The following INPP5F variants were observed in gnomAD, a reference collection of about 807,000 sequenced individuals.
INPP5F encodes phosphatidylinositide 4-phosphatase SAC2.
Under a neutral mutation model 137.2 loss-of-function variants are expected in INPP5F, and 97 were observed. The ratio of observed to expected loss-of-function variants is 0.71; its 90% confidence interval spans 0.60 to 0.84. The LOEUF (loss-of-function observed/expected upper bound fraction) is 0.84. Among genes scored for constraint, INPP5F ranks in the 40% least tolerant of loss-of-function variants. The pLI is 0.00. For missense variants in INPP5F, 1,271 were observed against 1,371.9 expected, an observed-to-expected ratio of 0.93 and a Z score of 1.16; for synonymous variants, 504 against 476.9, an observed-to-expected ratio of 1.06 and a Z score of -0.74.
intron 2 of INPP5F, among the ~76,000 whole-genome samples, chr10:119,771,957 G>A (rs1367724693): frequency 7.7e-6 from 1 of 129,450 alleles, no homozygotes; most frequent in Non-Finnish European, 1.6e-5. Flanking sequence ...GTGCAGTGGC[G>A]CGATCTCGGC....
chr10:119,758,755 C>A (rs528321961), intron 2 of INPP5F, among the ~76,000 whole-genome samples: 2 of 152,258 alleles, frequency 1.3e-5, no homozygotes, highest in Non-Finnish European at 2.9e-5. Context: ...CTGAACAATC[C>A]TAGACAAAAA....
intron 2 of INPP5F, among the ~76,000 whole-genome samples, chr10:119,765,082 A>G (rs996484283): frequency 1.3e-5 from 2 of 151,532 alleles, no homozygotes; most frequent in Non-Finnish European, 2.9e-5. Flanking sequence ...ACAGGTGCCT[A>G]CCACCACGCC....
At chr10:119,817,438 C>T (rs942731427) in intron 15 of INPP5F, among the ~76,000 whole-genome samples, 9 of 152,222 alleles carry the variant, frequency 5.9e-5, no homozygotes, top group African/African-American at 1.9e-4. Context: ...TACGTTTCCA[C>T]CAGCAATGTA....
chr10:119,809,210 G>C (rs903910760), intron 13 of INPP5F, among the ~76,000 whole-genome samples: 5 of 137,580 alleles, frequency 3.6e-5, no homozygotes, highest in African/African-American at 1.4e-4. Flanking sequence ...CTGGGCGACA[G>C]AGCGAGACTC....
intron 13 of INPP5F, 135 bp from the exon 14 acceptor site, chr10:119,809,965 T>C: frequency 1.6e-6 from 1 of 609,704 alleles, no homozygotes; most frequent in Non-Finnish European, 2.9e-6. Context: ...ACTATACTAT[T>C]TGAAAATTAT....
chr10:119,741,331 AATTT>A (rs1385743914), intron 1 of INPP5F, among the ~76,000 whole-genome samples: 1 of 151,910 alleles, frequency 6.6e-6, no homozygotes, highest in Non-Finnish European at 1.5e-5. Context: ...GCGGCTCCTG[AATTT>A]ACTACCTGTT....
chr10:119,754,707 C>G (rs1416984119), intron 2 of INPP5F, among the ~76,000 whole-genome samples: 1 of 151,968 alleles, frequency 6.6e-6, no homozygotes, highest in Non-Finnish European at 1.5e-5. Flanking sequence ...TCCCTCCCTC[C>G]CAACCCTCTC....
chr10:119,802,196 CTG>C (rs1300846818), intron 9 of INPP5F, among the ~76,000 whole-genome samples: 1 of 152,180 alleles, frequency 6.6e-6, no homozygotes, highest in Non-Finnish European at 1.5e-5. Flanking sequence ...AATAGTCCCT[CTG>C]TGGTTGCTGT....
intron 3 of INPP5F, among the ~76,000 whole-genome samples, chr10:119,785,338 T>G (rs1432682236): frequency 5.6e-5 from 8 of 142,208 alleles, no homozygotes; most frequent in Admixed American, 1.5e-4. Context: ...CAGGCTGGAG[T>G]GCAGTGGCAC....
At chr10:119,776,483 TAA>T (rs970663045) in intron 2 of INPP5F, among the ~76,000 whole-genome samples, 2 of 152,218 alleles carry the variant, frequency 1.3e-5, no homozygotes, top group Non-Finnish European at 2.9e-5. Flanking sequence ...GTTTGAAAGT[TAA>T]AAATTTTATA....
chr10:119,752,087 G>C (rs1357968816), intron 2 of INPP5F, among the ~76,000 whole-genome samples: 1 of 152,088 alleles, frequency 6.6e-6, no homozygotes, highest in Admixed American at 6.5e-5. Flanking sequence ...ATAATATTAA[G>C]CATTTGGGAG....
intron 1 of INPP5F, among the ~76,000 whole-genome samples, chr10:119,750,874 C>T (rs990487042): frequency 2.6e-5 from 4 of 152,108 alleles, no homozygotes; most frequent in Admixed American, 1.3e-4. Flanking sequence ...CTTAACTGTC[C>T]GAAGCCTTAT....
At chr10:119,772,728 C>G (rs1232470738) in intron 2 of INPP5F, among the ~76,000 whole-genome samples, 1 of 152,024 alleles carries the variant, frequency 6.6e-6, no homozygotes, top group Non-Finnish European at 1.5e-5. Context: ...TGTGGAGAAC[C>G]AATTATTTCA....
intron 2 of INPP5F, among the ~76,000 whole-genome samples, chr10:119,774,741 AT>A (rs1190933835): frequency 1.3e-5 from 2 of 151,980 alleles, no homozygotes; most frequent in Non-Finnish European, 2.9e-5. Context: ...GTATGTTTTT[AT>A]TTATATGTGG....
At chr10:119,781,839 T>TTTGGG in intron 3 of INPP5F, 68 bp downstream of exon 3, 6 of 1,294,018 alleles carry the variant, frequency 4.6e-6, no homozygotes, top group Non-Finnish European at 4.3e-6. Context: ...GAGGATTTGG[T>TTTGGG]TCAGTAGACC....
rs79525076 is a variant in INPP5F, at chr10:119,784,958, C to T, written c.315+3187C>T. On this transcript the variant is annotated intron_variant, in intron 3 of 19. Coordinates refer to ENST00000650623, the MANE Select transcript of INPP5F (RefSeq NM_014937.4). ...GACATCTCATAGAAACGGAATAATA[C>T]ACCACGTGGCCTTTTGTGATGGACT... Among the ~76,000 whole-genome samples the T allele has an allele frequency of 2.6e-3, 389 of 152,306 alleles. 5 individuals are homozygous for T. The East Asian group carries it at 0.047, about 19-fold the overall frequency.
At chr10:119,762,520 C>T (rs1329241159) in intron 2 of INPP5F, among the ~76,000 whole-genome samples, 1 of 152,138 alleles carries the variant, frequency 6.6e-6, no homozygotes, top group African/African-American at 2.4e-5. Flanking sequence ...AGTCACGGTC[C>T]TCCCTATCTG....
intron 6 of INPP5F, among the ~76,000 whole-genome samples, chr10:119,795,394 T>G (rs1273159663): frequency 6.8e-6 from 1 of 146,146 alleles, no homozygotes. Context: ...GCTCCTCACT[T>G]CTCAGATGGG....
chr10:119,771,331 A>C (rs1849327786), intron 2 of INPP5F, among the ~76,000 whole-genome samples: 1 of 152,028 alleles, frequency 6.6e-6, no homozygotes, highest in South Asian at 2.1e-4. Flanking sequence ...GTATAGATAG[A>C]CTATGTTTTG....
Sources: allele counts gnomAD v4.1 joint callset (sites outside exome capture counted in the v4.1 genomes callset), GRCh38; gene constraint gnomAD v4.1.1; transcripts MANE v1.5; gene names NCBI Gene and HGNC (gene_info 2026-07-23, HGNC 2026-07-21).